The following SORCS2 variants were observed in gnomAD, a reference collection of about 807,000 sequenced individuals.
SORCS2 encodes sortilin related VPS10 domain containing receptor 2.
In SORCS2, 100 loss-of-function variants were observed where a neutral mutation model predicts 141.6. The ratio of observed to expected loss-of-function variants is 0.71; its 90% CI spans 0.60 to 0.83. The LOEUF (loss-of-function observed/expected upper bound fraction) is 0.83. Ranked by LOEUF, SORCS2 falls within the 40% of genes least tolerant of loss-of-function variation. The pLI, the probability that SORCS2 is intolerant of heterozygous loss-of-function variation, is 0.00. For synonymous variants in SORCS2, 789 were observed against 676.9 expected, an observed-to-expected ratio of 1.17 and a Z score of -2.57; for missense variants, 1,646 against 1,560.2, an observed-to-expected ratio of 1.05 and a Z score of -0.93.
intron 2 of SORCS2, among the ~76,000 whole-genome samples, chr4:7,428,797 T>A (rs1476219777): frequency 6.6e-6 from 1 of 152,142 alleles, no homozygotes; most frequent in Non-Finnish European, 1.5e-5. Context: ...TATCTGCTTT[T>A]ACTGGGAGTG....
chr4:7,354,408 C>T (rs1229857136), intron 1 of SORCS2, among the ~76,000 whole-genome samples: 1 of 152,190 alleles, frequency 6.6e-6, no homozygotes, highest in East Asian at 1.9e-4. Flanking sequence ...GAAAGACCCC[C>T]CACCACCAAA....
chr4:7,452,102 C>T (rs985161657), intron 2 of SORCS2, among the ~76,000 whole-genome samples: 1 of 152,132 alleles, frequency 6.6e-6, no homozygotes, highest in Admixed American at 6.5e-5. Flanking sequence ...CCCGATACCA[C>T]TGACCCACAG....
chr4:7,222,972 C>T (rs1827297), intron 1 of SORCS2, among the ~76,000 whole-genome samples: 1 of 151,982 alleles, frequency 6.6e-6, no homozygotes, highest in Non-Finnish European at 1.5e-5. Flanking sequence ...GCCCTGGCTG[C>T]GTCGGTGGAG....
At chr4:7,378,694 C>A (rs3889812) in intron 1 of SORCS2, among the ~76,000 whole-genome samples, 2 of 151,934 alleles carry the variant, frequency 1.3e-5, no homozygotes, top group African/African-American at 2.4e-5. Flanking sequence ...GTTCCTCCCC[C>A]CCACACTGCT....
At chr4:7,525,203 G>A (rs2109520310) in intron 2 of SORCS2, among the ~76,000 whole-genome samples, 1 of 152,298 alleles carries the variant, frequency 6.6e-6, no homozygotes, top group African/African-American at 2.4e-5. Context: ...GGAAAACACA[G>A]TCCGGGCAAG....
chr4:7,275,155 A>C (rs144883042), intron 1 of SORCS2, among the ~76,000 whole-genome samples: 2 of 152,206 alleles, frequency 1.3e-5, no homozygotes, highest in Admixed American at 1.3e-4. Flanking sequence ...CTAGTTGGGC[A>C]TAAGTGTCTC....
chr4:7,524,940 C>G (rs1234918942), intron 2 of SORCS2, among the ~76,000 whole-genome samples: 3 of 152,226 alleles, frequency 2.0e-5, no homozygotes, highest in South Asian at 4.1e-4. Context: ...AGGATCCTGT[C>G]CCCCGAGCAC....
intron 1 of SORCS2, among the ~76,000 whole-genome samples, chr4:7,246,449 A>T (rs10007984): frequency 6.9e-6 from 1 of 144,802 alleles, no homozygotes; most frequent in African/African-American, 2.7e-5. Flanking sequence ...GAACCCACAC[A>T]TCTCACCTGG....
chr4:7,620,140 C>T (rs1719067408), intron 3 of SORCS2, among the ~76,000 whole-genome samples: 1 of 152,160 alleles, frequency 6.6e-6, no homozygotes, highest in African/African-American at 2.4e-5. Context: ...CCCAGCACCT[C>T]TTCTGCGGAT....
intron 23 of SORCS2, among the ~76,000 whole-genome samples, chr4:7,732,356 T>C (rs1275881073): frequency 6.6e-6 from 1 of 152,136 alleles, no homozygotes; most frequent in Non-Finnish European, 1.5e-5. Context: ...GACTGATGCT[T>C]GGACCTGGGA....
intron 12 of SORCS2, among the ~76,000 whole-genome samples, chr4:7,701,220 G>T (rs1357141760): frequency 6.6e-6 from 1 of 150,634 alleles, no homozygotes; most frequent in Non-Finnish European, 1.5e-5. Context: ...AGAGAAGGGG[G>T]AAGGGAGGGA....
At chr4:7,694,953 G>A (rs1470648342) in intron 11 of SORCS2, among the ~76,000 whole-genome samples, 1 of 151,722 alleles carries the variant, frequency 6.6e-6, no homozygotes. Context: ...CTCTCCTTGA[G>A]GCTCTCCTCA....
intron 3 of SORCS2, among the ~76,000 whole-genome samples, chr4:7,630,567 G>A (rs1228255885): frequency 1.3e-5 from 2 of 152,124 alleles, no homozygotes; most frequent in Non-Finnish European, 1.5e-5. Flanking sequence ...TGACCATCAC[G>A]GGAGTGACTT....
At chr4:7,427,723 G>T (rs1726546082) in intron 2 of SORCS2, among the ~76,000 whole-genome samples, 1 of 152,068 alleles carries the variant, frequency 6.6e-6, no homozygotes, top group Admixed American at 6.5e-5. Flanking sequence ...TCACATGGAG[G>T]CAGGGGGCAA....
intron 17 of SORCS2, among the ~76,000 whole-genome samples, chr4:7,717,372 C>T (rs952051129): frequency 3.9e-5 from 6 of 152,232 alleles, no homozygotes; most frequent in African/African-American, 1.4e-4. Flanking sequence ...TGCTCAGGTC[C>T]GCCTCTGCCT....
At chr4:7,316,303 C>G (rs1254870301) in intron 1 of SORCS2, among the ~76,000 whole-genome samples, 5 of 152,064 alleles carry the variant, frequency 3.3e-5, no homozygotes, top group African/African-American at 1.2e-4. Flanking sequence ...TCCAAACAAA[C>G]AAAAAAAATT....
intron 1 of SORCS2, among the ~76,000 whole-genome samples, chr4:7,215,395 C>A (rs1022121551): frequency 3.9e-5 from 6 of 152,238 alleles, no homozygotes; most frequent in African/African-American, 1.4e-4. Context: ...TGCAGCCCGC[C>A]ATGCCTGAGC....
At chr4:7,369,854 C>T (rs1722136751) in intron 1 of SORCS2, among the ~76,000 whole-genome samples, 1 of 152,236 alleles carries the variant, frequency 6.6e-6, no homozygotes, top group African/African-American at 2.4e-5. Context: ...CACACATCAG[C>T]TCTCACCCAC....
chr4:7,516,844 T>C (rs915197436), intron 2 of SORCS2, among the ~76,000 whole-genome samples: 1 of 152,144 alleles, frequency 6.6e-6, no homozygotes, highest in Non-Finnish European at 1.5e-5. Context: ...TCCTCCCTCA[T>C]CATCCCCTTC....
Sources: gnomAD v4.1 joint callset for allele counts (sites outside exome capture counted in the v4.1 genomes callset) on GRCh38, gnomAD v4.1.1 for gene constraint, MANE v1.5 for transcripts, NCBI Gene and HGNC (gene_info 2026-07-23, HGNC 2026-07-21) for gene names.